Variants in ABR observed in about 807,000 individuals in gnomAD.
ABR encodes ABR activator of RhoGEF and GTPase.
In ABR, 35 loss-of-function variants were observed where a neutral mutation model predicts 107.2. The ratio of observed to expected loss-of-function variants is 0.33; its 90% CI spans 0.25 to 0.43. The LOEUF is 0.43. Among genes scored for constraint, ABR ranks in the 20% least tolerant of loss-of-function variants. ABR has a pLI of 1.00. For synonymous variants in ABR, 498 were observed against 462.0 expected, an observed-to-expected ratio of 1.08 and a Z score of -1.00; for missense variants, 815 against 1,115.2, an observed-to-expected ratio of 0.73 and a Z score of 3.83.
intron 4 of ABR, 176 bp from the exon 5 acceptor site, chr17:1,083,803 G>C (rs2036420579): frequency 1.7e-6 from 1 of 596,742 alleles, no homozygotes; most frequent in Non-Finnish European, 3.0e-6. Context: ...CCTTTGAACT[G>C]GACAGTTTCC....
intron 16 of ABR, among the ~76,000 whole-genome samples, chr17:1,033,561 C>T (rs372482016): frequency 6.6e-6 from 1 of 152,220 alleles, no homozygotes; most frequent in African/African-American, 2.4e-5. Context: ...TTCCACCTGG[C>T]TGGTGGAGGG....
chr17:1,134,273 T>TA (rs2039964983), intron 1 of ABR, among the ~76,000 whole-genome samples: 1 of 151,908 alleles, frequency 6.6e-6, no homozygotes, highest in Non-Finnish European at 1.5e-5. Flanking sequence ...ATTAGCCAGG[T>TA]ATGGTTGCAC....
intron 1 of ABR, among the ~76,000 whole-genome samples, chr17:1,221,520 T>A (rs1193417485): frequency 2.0e-5 from 3 of 152,216 alleles, no homozygotes. Flanking sequence ...GGAATTCTGT[T>A]ACATGTGAGA....
intron 1 of ABR, among the ~76,000 whole-genome samples, chr17:1,146,874 C>CCACCA (rs2040574301): frequency 4.8e-5 from 6 of 125,490 alleles, no homozygotes; most frequent in Non-Finnish European, 1.0e-4. Context: ...GCCACCATTG[C>CCACCA]TACATGACAC....
At chr17:1,205,672 C>T (rs1028201237) in intron 1 of ABR, among the ~76,000 whole-genome samples, 4 of 152,152 alleles carry the variant, frequency 2.6e-5, no homozygotes, top group Non-Finnish European at 4.4e-5. Flanking sequence ...TGGCCAGGCG[C>T]GGCGGCTCAC....
At chr17:1,224,594 C>T (rs534099374) in intron 1 of ABR, among the ~76,000 whole-genome samples, 6 of 152,304 alleles carry the variant, frequency 3.9e-5, no homozygotes, top group African/African-American at 1.4e-4. Flanking sequence ...CCAAGATGAC[C>T]TCTGCCTTGA....
chr17:1,057,945 G>A, intron 12 of ABR, 25 bp downstream of exon 12: 5 of 1,599,920 alleles, frequency 3.1e-6, no homozygotes, highest in South Asian at 1.1e-5. Context: ...CATCATTGGG[G>A]AGCGTGGAAG....
At chr17:1,028,256 ATTTTTTT>A (rs564733650) in intron 16 of ABR, among the ~76,000 whole-genome samples, 1 of 141,194 alleles carries the variant, frequency 7.1e-6, no homozygotes, top group African/African-American at 2.6e-5. Flanking sequence ...ATGCCCGGCT[ATTTTTTT>A]TTTTTTTGTA....
At chr17:1,191,354 CTTTTTTTTTTTT>C (rs761910557), upstream of ABR, among the ~76,000 whole-genome samples, 1 of 96,490 alleles carries the variant, frequency 1.0e-5, no homozygotes, top group Non-Finnish European at 2.0e-5. Flanking sequence ...TTTTTCTTTT[CTTTTTTTTTTTT>C]TTTTTTTTTG....
intron 16 of ABR, among the ~76,000 whole-genome samples, chr17:1,040,525 C>T (rs1478159355): frequency 1.3e-5 from 2 of 152,244 alleles, no homozygotes; most frequent in Non-Finnish European, 2.9e-5. Context: ...TTCAGCAAAG[C>T]CAGTCTGACC....
chr17:1,136,746 G>C (rs1470134409), intron 1 of ABR, among the ~76,000 whole-genome samples: 2 of 152,194 alleles, frequency 1.3e-5, no homozygotes, highest in African/African-American at 2.4e-5. Context: ...GACTTGCAGA[G>C]TGCGAGGGCC....
At position 1,044,105 on chromosome 17, in the gene ABR, C is replaced by G. The variant is rs181176695; in HGVS notation, c.1791+5945G>C. ...AGCGGGTAGGTTGCAGCTGGAGCGGCAAGGCTGGAAATAGAGTAGGATAAA... is the reference window on the plus strand; with the variant it reads ...AGCGGGTAGGTTGCAGCTGGAGCGGGAAGGCTGGAAATAGAGTAGGATAAA... On this transcript the variant is annotated intron_variant, in intron 16 of 22. Coordinates refer to ENST00000302538, the MANE Select transcript of ABR (RefSeq NM_021962.5). Among the ~76,000 whole-genome samples, 504 of 152,228 alleles carry G rather than the reference C, an allele frequency of 3.3e-3. 4 individuals are homozygous for G. The highest frequency in any genetic ancestry group is 0.011 in the African/African-American group (475 of 41,534).
At chr17:1,166,153 C>A (rs2151583700) in intron 1 of ABR, among the ~76,000 whole-genome samples, 1 of 152,228 alleles carries the variant, frequency 6.6e-6, no homozygotes, top group East Asian at 1.9e-4. Flanking sequence ...TCATTCTCAG[C>A]TCTATTTTTA....
At chr17:1,076,016 T>C (rs1031371622) in intron 6 of ABR, among the ~76,000 whole-genome samples, 10 of 152,210 alleles carry the variant, frequency 6.6e-5, no homozygotes, top group African/African-American at 2.4e-4. Flanking sequence ...CACTCCAGCC[T>C]GGGCGACACA....
chr17:1,172,740 A>C (rs1417013774), intron 1 of ABR, among the ~76,000 whole-genome samples: 3 of 150,174 alleles, frequency 2.0e-5, no homozygotes, highest in East Asian at 3.9e-4. Flanking sequence ...ACAGAGCAAG[A>C]CTCCATCTCA....
intron 2 of ABR, among the ~76,000 whole-genome samples, chr17:1,116,504 TG>T (rs779326793): frequency 4.6e-5 from 7 of 152,028 alleles, no homozygotes; most frequent in Non-Finnish European, 4.4e-5. Context: ...GTGAGAGCTG[TG>T]GGATGAGCCA....
rs144862997 is a variant in ABR at position 1,217,641 on chromosome 17, C to T, written c.838+11152G>A. Among the ~76,000 whole-genome samples the T allele has an allele frequency of 2.2e-4, 33 of 152,310 alleles. No individual in the cohort carries two copies. In the East Asian group the frequency reaches 3.3e-3, roughly 15 times the overall value. On this transcript the variant is annotated intron_variant, in intron 1 of 22. Transcript: ENST00000574139. The stretch of plus-strand genomic sequence containing the variant: ...TCAAGGTCACATAGCAGTTAAGTGG[C>T]AGAGCCGTGAATCGAACCCAGGCAA...
chr17:1,222,089 G>C lies in ABR; in HGVS notation c.838+6704C>G, dbSNP rs747738164. On this transcript the variant is annotated intron_variant, in intron 1 of 22. Coordinates refer to the ABR transcript ENST00000574139. The stretch of plus-strand genomic sequence containing the variant: ...AGGATCCCATCTTTTTTTCTGAGAC[G>C]GAGTTTCACCCTGTCACCAAGCTGG... Among the ~76,000 whole-genome samples, 23 of 44,106 alleles carry C rather than the reference G, an allele frequency of 5.2e-4. 1 individual carries two copies. Among genetic ancestry groups the C allele is most frequent in the Non-Finnish European group, 1.2e-3 (19 of 15,298 alleles). 28.9% of individuals were successfully genotyped at this position (44,106 alleles called of 152,430 possible).
At chr17:1,229,575 TCCGCCC>T (rs2043297563) in exon 1 of ABR, among the ~76,000 whole-genome samples, 1 of 151,750 alleles carries the variant, frequency 6.6e-6, no homozygotes, top group South Asian at 2.1e-4. Context: ...GACCGGCGCC[TCCGCCC>T]CGGGGAACTC....
Sources: allele counts gnomAD v4.1 joint callset (sites outside exome capture counted in the v4.1 genomes callset), GRCh38; gene constraint gnomAD v4.1.1; transcripts MANE v1.5; gene names NCBI Gene and HGNC (gene_info 2026-07-23, HGNC 2026-07-21).